The following SPTAN1 variants were observed in gnomAD, a reference collection of about 807,000 sequenced individuals.
SPTAN1 encodes spectrin alpha chain, non-erythrocytic 1.
In SPTAN1, 61 loss-of-function variants were observed where a neutral mutation model predicts 331.3. The ratio of observed to expected loss-of-function variants is 0.18; its 90% confidence interval spans 0.15 to 0.23. The LOEUF is 0.23. Among genes scored for constraint, SPTAN1 ranks in the 10% least tolerant of loss-of-function variants. The pLI is 1.00. For missense variants in SPTAN1, 2,043 were observed against 3,147.9 expected, an observed-to-expected ratio of 0.65 and a Z score of 8.40; for synonymous variants, 1,153 against 1,173.9, an observed-to-expected ratio of 0.98 and a Z score of 0.36.
chr9:128,556,611 A>G (rs552262522), intron 1 of SPTAN1, among the ~76,000 whole-genome samples: 2 of 152,346 alleles, frequency 1.3e-5, no homozygotes, highest in Non-Finnish European at 2.9e-5. Context: ...ATTTTGATGC[A>G]ATGCAGTATG....
intron 24 of SPTAN1, among the ~76,000 whole-genome samples, chr9:128,597,208 G>A (rs534755304): frequency 6.6e-6 from 1 of 152,078 alleles, no homozygotes; most frequent in Non-Finnish European, 1.5e-5. Context: ...TAGGGGTCTG[G>A]TTATGTTGCC....
In SPTAN1 at chr9:128,632,896, G is replaced by A. The variant is rs143739246; in HGVS notation, c.7249G>A (p.Ala2417Thr). The change falls in exon 56 of 57, where the codon GCC becomes ACC. Residue 2417 changes from alanine (A) to threonine (T), a missense_variant. Coordinates refer to ENST00000372739, the MANE Select transcript of SPTAN1 (RefSeq NM_001130438.3). ...NVKSSEEIES[A>T]FRALSSEGKP... is the part of the protein sequence containing the mutation. ...CAAGTCCAGCGAGGAGATTGAGAGCGCCTTCCGGGCCCTCAGCTCAGAGGG... is the reference window on the plus strand; with the variant it reads ...CAAGTCCAGCGAGGAGATTGAGAGCACCTTCCGGGCCCTCAGCTCAGAGGG... 2 of 1,613,864 alleles carry A rather than the reference G, an allele frequency of 1.2e-6. No homozygotes were observed. The highest frequency in any genetic ancestry group is 1.7e-6 in the Non-Finnish European group (2 of 1,180,040).
At chr9:128,613,813 G>A (rs773529609) in intron 40 of SPTAN1, among the ~76,000 whole-genome samples, 11 of 152,066 alleles carry the variant, frequency 7.2e-5, no homozygotes, top group Non-Finnish European at 1.0e-4. Flanking sequence ...AGACCACTCC[G>A]GCCAACGTGG....
intron 31 of SPTAN1, 111 bp downstream of exon 31, chr9:128,605,588 A>G (rs1041309580): frequency 1.4e-6 from 2 of 1,401,444 alleles, no homozygotes; most frequent in African/African-American, 2.8e-5. Context: ...TCACACCTAT[A>G]ATCCAAGCAC....
intron 46 of SPTAN1, chr9:128,624,878 A>G (rs969170718): frequency 1.7e-4 from 108 of 618,526 alleles, no homozygotes; most frequent in Middle Eastern, 1.7e-3. Flanking sequence ...GGTAGTAGTA[A>G]TAGCAACTGA....
In SPTAN1 at chr9:128,629,879, G is replaced by C. The variant is rs1859408556; in HGVS notation, c.6708-442G>C. On this transcript the variant is annotated intron_variant, in intron 51 of 56. Transcript: ENST00000372739. The surrounding 1 kb of genome is among the most constrained non-coding windows in gnomAD (Gnocchi z 4.9). ...CTCCCTCCCTCAGGAACCTTGCCGG[G>C]ACACTCCAGGGTTTCTGTGGGGAGG... is the stretch of plus-strand genomic sequence containing the variant. The C allele has an allele frequency of 3.0e-6, 1 of 336,086 alleles. No homozygotes were observed. The allele number at this position is 336,086 out of a possible 1,614,324, so 20.8% of individuals were successfully genotyped here. A position where few individuals can be genotyped will look rare whatever the true frequency, so the allele number is the denominator to read the frequency against.
chr9:128,574,447 T>G (rs1233679293), intron 3 of SPTAN1, among the ~76,000 whole-genome samples: 1 of 151,700 alleles, frequency 6.6e-6, no homozygotes, highest in Non-Finnish European at 1.5e-5. Flanking sequence ...AGAACTAGAG[T>G]AGATCTACCT....
intron 1 of SPTAN1, among the ~76,000 whole-genome samples, chr9:128,556,777 T>C (rs1469960590): frequency 6.6e-6 from 1 of 152,228 alleles, no homozygotes; most frequent in Non-Finnish European, 1.5e-5. Flanking sequence ...TTATTTATGG[T>C]GTTCAGTCAT....
At chr9:128,553,732 G>T (rs1466515654) in intron 1 of SPTAN1, among the ~76,000 whole-genome samples, 1 of 152,146 alleles carries the variant, frequency 6.6e-6, no homozygotes, top group Non-Finnish European at 1.5e-5. Context: ...TTATATAATA[G>T]ATCCTAAAAT....
At chr9:128,563,200 GA>G (rs1849622756) in intron 1 of SPTAN1, among the ~76,000 whole-genome samples, 1 of 151,682 alleles carries the variant, frequency 6.6e-6, no homozygotes, top group Non-Finnish European at 1.5e-5. Flanking sequence ...TGTATCACTT[GA>G]GTCCAGGAGT....
chr9:128,565,017 G>A (rs1394341308), intron 1 of SPTAN1, among the ~76,000 whole-genome samples: 1 of 152,130 alleles, frequency 6.6e-6, no homozygotes. Flanking sequence ...TCTGAAGGAA[G>A]CCATAGGTCG....
intron 27 of SPTAN1, among the ~76,000 whole-genome samples, chr9:128,603,264 C>T (rs78856736): frequency 6.6e-6 from 1 of 151,806 alleles, no homozygotes; most frequent in African/African-American, 2.4e-5. Flanking sequence ...AGGTATTTTT[C>T]TGTCCAACTA....
intron 26 of SPTAN1, 171 bp downstream of exon 26, chr9:128,599,157 C>T (rs963808439): frequency 4.9e-5 from 35 of 716,774 alleles, no homozygotes; most frequent in South Asian, 2.4e-4. Flanking sequence ...TTTTTTGAGA[C>T]GGAGTCTCAC....
chr9:128,595,261 G>A (rs527551774), intron 24 of SPTAN1, among the ~76,000 whole-genome samples: 6 of 151,942 alleles, frequency 3.9e-5, no homozygotes, highest in East Asian at 1.9e-4. Flanking sequence ...AGGTACGCAC[G>A]ACCACATCTG....
chr9:128,621,544 T>C (rs1857859205), intron 45 of SPTAN1: 4 of 504,638 alleles, frequency 7.9e-6, no homozygotes, highest in Non-Finnish European at 1.4e-5. Flanking sequence ...AGTCTCTTTA[T>C]AGGGACAGTA....
chr9:128,617,600 G>T (rs774447298), intron 41 of SPTAN1, 40 bp from the exon 42 acceptor site: 1 of 1,613,914 alleles, frequency 6.2e-7, no homozygotes, highest in South Asian at 1.1e-5. Context: ...AAGCAGGGAG[G>T]TGCAGAGACT....
In SPTAN1 at chr9:128,629,153, T is replaced by C; in HGVS notation, c.6708-1168T>C. ...AGCATATCGTCGGGTCATTCGTGTC[T>C]ATCAGTATGAAGTTGGGGATGATCT... On this transcript the variant is annotated intron_variant, in intron 51 of 56. Coordinates refer to ENST00000372739, the MANE Select transcript of SPTAN1 (RefSeq NM_001130438.3). This position sits in a 1 kb window ranked among gnomAD's most constrained non-coding sequence, Gnocchi z 4.9. 1 of 398,780 alleles carries C rather than the reference T, an allele frequency of 2.5e-6. No homozygotes were observed. Among genetic ancestry groups the C allele is most frequent in the Non-Finnish European group, 4.4e-6 (1 of 226,184 alleles). 24.7% of individuals were successfully genotyped at this position (398,780 alleles called of 1,614,324 possible).
chr9:128,590,163 C>T (rs1213874074), intron 21 of SPTAN1, among the ~76,000 whole-genome samples: 1 of 152,158 alleles, frequency 6.6e-6, no homozygotes, highest in Non-Finnish European at 1.5e-5. Flanking sequence ...ATTCCCACAC[C>T]TTATTTATCC....
intron 41 of SPTAN1, 26 bp from the exon 42 acceptor site, chr9:128,617,614 T>C: frequency 1.2e-6 from 2 of 1,613,938 alleles, no homozygotes; most frequent in Non-Finnish European, 1.7e-6. Context: ...AGAGACTGAC[T>C]GTGCTGTTTC....
Sources: gnomAD v4.1 joint callset for allele counts (sites outside exome capture counted in the v4.1 genomes callset) on GRCh38, gnomAD v4.1.1 for gene constraint, Gnocchi (gnomAD v3.1) non-coding constraint, MANE v1.5 for transcripts, NCBI Gene and HGNC (gene_info 2026-07-23, HGNC 2026-07-21) for gene names.